NDNF: variants seen among roughly 807,000 people sequenced by gnomAD.
NDNF encodes the protein neuron derived neurotrophic factor.
Under a neutral mutation model 42.0 loss-of-function variants are expected in NDNF, and 16 were observed. That is an observed-to-expected ratio of 0.38 (90% CI 0.26 to 0.58). The LOEUF is 0.58. Among genes scored for constraint, NDNF ranks in the 20% least tolerant of loss-of-function variants. The pLI is 0.67. For synonymous variants in NDNF, 248 were observed against 251.7 expected (o/e 0.99, Z 0.14); for missense variants, 616 against 666.2 (o/e 0.92, Z 0.83).
At chr4:121,039,184 GTGTGTGTGTATATATATA>G (rs1372139390) in intron 3 of NDNF, among the ~76,000 whole-genome samples, 5 of 15,852 alleles carry the variant, frequency 3.2e-4, no homozygotes, top group African/African-American at 4.8e-4. Context: ...GACTATGTGT[GTGTGTGTGTATATATATA>G]TATATATATA....
intron 1 of NDNF, among the ~76,000 whole-genome samples, chr4:121,064,339 A>G: frequency 6.6e-6 from 1 of 152,202 alleles, no homozygotes; most frequent in East Asian, 1.9e-4. Context: ...TTATTAATAA[A>G]TAGAATCATT....
At chr4:121,055,695 G>T (rs554787917) in intron 1 of NDNF, among the ~76,000 whole-genome samples, 1 of 152,154 alleles carries the variant, frequency 6.6e-6, no homozygotes, top group Non-Finnish European at 1.5e-5. Flanking sequence ...TTAGTAGGAA[G>T]TGTGGCTAAA....
At chr4:121,065,733 C>CAG (rs1230243370) in intron 1 of NDNF, among the ~76,000 whole-genome samples, 2 of 151,484 alleles carry the variant, frequency 1.3e-5, no homozygotes, top group Non-Finnish European at 2.9e-5. Context: ...CACACACACA[C>CAG]ACACACATAT....
At chr4:121,050,816 A>G (rs1423411613) in intron 1 of NDNF, among the ~76,000 whole-genome samples, 3 of 152,168 alleles carry the variant, frequency 2.0e-5, no homozygotes, top group Admixed American at 1.3e-4. Context: ...AAAATGACCT[A>G]ATGATTTGAT....
chr4:121,052,139 T>C lies in NDNF; in HGVS notation c.-1-6301A>G, dbSNP rs927683293. ...CAAGTTCTTTGCAGAAATGTATAAA[T>C]GTAGTTGTGAAAAATGTCATCAAGC... On this transcript the variant is annotated intron_variant, in intron 1 of 3. Coordinates refer to ENST00000379692, the MANE Select transcript of NDNF (RefSeq NM_024574.4). Among the ~76,000 whole-genome samples the C allele has an allele frequency of 3.3e-5, 5 of 152,328 alleles. No individual in the cohort carries two copies. In the South Asian group the frequency reaches 1.0e-3, roughly 32 times the overall value.
chr4:121,045,697 T>C lies in NDNF; in HGVS notation c.141A>G (p.Pro47=). 1.2e-6 allele frequency: 2 copies of C among 1,614,230 alleles called. No homozygotes were observed. The highest frequency in any genetic ancestry group is 1.7e-6 in the Non-Finnish European group (2 of 1,180,034). ...KAFFHDSSVI[P]DGAEISSYLF... ...GATAACTGCTAATTTCAGCTCCATCTGGAATTACTGACGAATCATGAAAAA... is the reference window on the plus strand; with the variant it reads ...GATAACTGCTAATTTCAGCTCCATCCGGAATTACTGACGAATCATGAAAAA... Residue 47 remains proline, a synonymous_variant, in exon 2 of 4, where the codon CCA becomes CCG. Transcript: ENST00000379692.
chr4:121,040,121 G>C, intron 2 of NDNF, 67 bp from the exon 3 acceptor site: 1 of 1,434,794 alleles, frequency 7.0e-7, no homozygotes, highest in Non-Finnish European at 9.4e-7. Context: ...AGACTTACCA[G>C]AAAAATCATT....
intron 1 of NDNF, among the ~76,000 whole-genome samples, chr4:121,057,601 C>T (rs530810826): frequency 1.3e-5 from 2 of 152,308 alleles, no homozygotes; most frequent in East Asian, 3.9e-4. Context: ...GGATTAGAGG[C>T]TCTCCGGCTC....
intron 1 of NDNF, among the ~76,000 whole-genome samples, chr4:121,071,076 C>T (rs191586504): frequency 6.6e-6 from 1 of 152,272 alleles, no homozygotes; most frequent in African/African-American, 2.4e-5. Flanking sequence ...CAAAGTGCCT[C>T]CAAGAAAACA....
intron 3 of NDNF, among the ~76,000 whole-genome samples, chr4:121,039,141 ATG>A (rs10648350): frequency 0.3 from 18,734 of 61,844 alleles, 3,021 homozygotes; most frequent in East Asian, 0.49. Context: ...TTATATATAT[ATG>A]TGTATATATA....
At chr4:121,041,327 C>T (rs558299483) in intron 2 of NDNF, among the ~76,000 whole-genome samples, 2 of 152,288 alleles carry the variant, frequency 1.3e-5, no homozygotes, top group South Asian at 4.1e-4. Flanking sequence ...GAAAAGCAGG[C>T]TTTGCCTCCT....
intron 1 of NDNF, among the ~76,000 whole-genome samples, chr4:121,059,645 A>G (rs1727368965): frequency 6.6e-6 from 1 of 152,234 alleles, no homozygotes; most frequent in African/African-American, 2.4e-5. Context: ...ATTACTCAGG[A>G]GGGCCTCTTT....
chr4:121,037,349 G>A lies in NDNF; in HGVS notation c.622C>T (p.Pro208Ser). The change falls in exon 4 of 4, where the codon CCC (proline) becomes TCC (serine). Residue 208 changes from proline to serine, a missense_variant. By Grantham distance (74) the Pro-to-Ser change is moderately conservative. Transcript: ENST00000379692. ...PSPTASLLKQ[P>S]IQYCVVINKE... ...TTGATGACCACACAGTACTGAATGG[G>A]TTGTTTCAGCAAAGAGGCAGTGGGG... The A allele has an allele frequency of 1.2e-6, 2 of 1,614,146 alleles. No individual in the cohort carries two copies. The highest frequency in any genetic ancestry group is 1.7e-6 in the Non-Finnish European group (2 of 1,180,030).
At chr4:121,044,621 TTTGA>T (rs1727056997) in intron 2 of NDNF, among the ~76,000 whole-genome samples, 1 of 152,084 alleles carries the variant, frequency 6.6e-6, no homozygotes, top group African/African-American at 2.4e-5. Context: ...GACTGTTTAG[TTTGA>T]TTCTCTCAGA....
In NDNF at chr4:121,072,358, G is replaced by T. The variant is rs1379941090; in HGVS notation, c.-367C>A. ...GCGTGCGGGGGCTGGGCGGCGGGAG[G>T]ATGCCGCAGCGACCCGCGGGGCTGG... On this transcript the variant is annotated 5_prime_UTR_variant, in exon 1 of 4. Coordinates refer to ENST00000379692, the MANE Select transcript of NDNF (RefSeq NM_024574.4). The T allele has an allele frequency of 6.6e-6, 1 of 151,724 alleles. No individual in the cohort carries two copies. The highest frequency in any genetic ancestry group is 1.5e-5 in the Non-Finnish European group (1 of 67,898). 9.4% of individuals were successfully genotyped at this position (151,724 alleles called of 1,614,324 possible). A position where few individuals can be genotyped will look rare whatever the true frequency, so the allele number is the denominator to read the frequency against.
Position 121,037,248 on chromosome 4 carries a change from C to T in NDNF, c.723G>A (p.Pro241=), listed in dbSNP as rs375394141. The T allele has an allele frequency of 2.5e-5, 41 of 1,613,944 alleles. No homozygotes were observed. In the African/African-American group the frequency reaches 3.3e-4, roughly 13 times the overall value. ...AGGGGCTGAAGTCCAGACCAGGTTT[C>T]GGTGCCATCATAAAAGCATCATCTG... ...LSADDAFMMA[P]KPGLDFSPFD... Residue 241 remains proline (P), a synonymous_variant, in exon 4 of 4, where the codon CCG becomes CCA. Coordinates refer to ENST00000379692, the MANE Select transcript of NDNF (RefSeq NM_024574.4).
intron 1 of NDNF, among the ~76,000 whole-genome samples, chr4:121,059,263 A>G (rs1727358813): frequency 6.6e-6 from 1 of 152,220 alleles, no homozygotes; most frequent in South Asian, 2.1e-4. Context: ...GATAGATAGT[A>G]TTGACCACAG....
At chr4:121,069,091 C>T (rs563673984) in intron 1 of NDNF, among the ~76,000 whole-genome samples, 3 of 152,262 alleles carry the variant, frequency 2.0e-5, no homozygotes, top group Admixed American at 2.0e-4. Flanking sequence ...TTTCTCCCTT[C>T]CACAACAGAG....
At chr4:121,070,452 A>T (rs2148774284) in intron 1 of NDNF, among the ~76,000 whole-genome samples, 1 of 152,064 alleles carries the variant, frequency 6.6e-6, no homozygotes, top group African/African-American at 2.4e-5. Context: ...ATTTATTTCC[A>T]TTGATGACTC....
Sources: allele counts gnomAD v4.1 joint callset (sites outside exome capture counted in the v4.1 genomes callset), GRCh38; gene constraint gnomAD v4.1.1; transcripts MANE v1.5; gene names NCBI Gene and HGNC (gene_info 2026-07-23, HGNC 2026-07-21).